Variants in BFAR observed in about 807,000 individuals in gnomAD.
BFAR encodes the protein bifunctional apoptosis regulator, also known as RING finger protein 47.
Under a neutral mutation model 54.4 loss-of-function variants are expected in BFAR, and 52 were observed. The observed-to-expected ratio is 0.96, with a 90% CI of 0.77 to 1.21. The LOEUF (loss-of-function observed/expected upper bound fraction) is 1.21. Among genes scored for constraint, BFAR ranks in the 50% most tolerant of loss-of-function variants. BFAR has a pLI of 0.00. For synonymous variants in BFAR, 215 were observed against 204.3 expected, an observed-to-expected ratio of 1.05 and a Z score of -0.45; for missense variants, 571 against 534.0, an observed-to-expected ratio of 1.07 and a Z score of -0.68.
chr16:14,658,412 T>C (rs1459596616), intron 5 of BFAR, among the ~76,000 whole-genome samples: 1 of 152,004 alleles, frequency 6.6e-6, no homozygotes, highest in Non-Finnish European at 1.5e-5. Flanking sequence ...AAGATGGAGC[T>C]TCTGTCTTGA....
chr16:14,636,424 A>G (rs1191899406), intron 1 of BFAR, among the ~76,000 whole-genome samples: 3 of 152,244 alleles, frequency 2.0e-5, no homozygotes, highest in African/African-American at 7.2e-5. Context: ...CATCATAGAC[A>G]AGGTAAAGAA....
At chr16:14,648,102 G>A (rs940491455) in intron 2 of BFAR, among the ~76,000 whole-genome samples, 2 of 151,856 alleles carry the variant, frequency 1.3e-5, no homozygotes, top group African/African-American at 2.4e-5. Context: ...AAAGTTATCC[G>A]GGTATGGTGG....
At chr16:14,645,734 C>T (rs765105624) in intron 2 of BFAR, among the ~76,000 whole-genome samples, 5 of 152,126 alleles carry the variant, frequency 3.3e-5, no homozygotes, top group Middle Eastern at 3.2e-3. Context: ...TATAACTGAA[C>T]ATTTAAAAAG....
At chr16:14,652,498 C>G (rs1025284353) in intron 4 of BFAR, among the ~76,000 whole-genome samples, 1 of 151,558 alleles carries the variant, frequency 6.6e-6, no homozygotes, top group Non-Finnish European at 1.5e-5. Context: ...CCAGGCTGGT[C>G]TGAAACTCCT....
chr16:14,636,530 G>A (rs1051778185), intron 1 of BFAR, among the ~76,000 whole-genome samples: 3 of 152,202 alleles, frequency 2.0e-5, no homozygotes, highest in East Asian at 1.9e-4. Flanking sequence ...GCCCTAAGGC[G>A]GTTTTCCCCT....
intron 7 of BFAR, among the ~76,000 whole-genome samples, chr16:14,665,741 T>G (rs1244518197): frequency 6.6e-6 from 1 of 152,320 alleles, no homozygotes; most frequent in Admixed American, 6.5e-5. Context: ...ACCAGAGATC[T>G]TAGAGGCTTC....
In BFAR at chr16:14,668,856, CT is replaced by C. The variant is rs1960516938; in HGVS notation, c.*1030del. ...GTCTTAAAAAAAAAAAAAAAATCATCTGTAAAATAAATTCCGGGATAGTCGT... is the reference window on the plus strand; with the variant it reads ...GTCTTAAAAAAAAAAAAAAAATCATCGTAAAATAAATTCCGGGATAGTCGT... On this transcript the variant is annotated 3_prime_UTR_variant, in exon 8 of 8. Transcript: ENST00000261658. 2 of 170,148 alleles carry C rather than the reference CT, an allele frequency of 1.2e-5. No individual in the cohort carries two copies. Among genetic ancestry groups the C allele is most frequent in the African/African-American group, 4.8e-5 (2 of 41,640 alleles). The allele number at this position is 170,148 out of a possible 1,614,324, so 10.5% of individuals were successfully genotyped here.
intron 1 of BFAR, among the ~76,000 whole-genome samples, chr16:14,638,197 A>T (rs1232607605): frequency 1.3e-5 from 2 of 152,182 alleles, no homozygotes; most frequent in African/African-American, 4.8e-5. Context: ...ATCATGGACA[A>T]CTTAACAAGA....
At chr16:14,640,507 T>C (rs984946656) in intron 1 of BFAR, among the ~76,000 whole-genome samples, 5 of 152,196 alleles carry the variant, frequency 3.3e-5, no homozygotes, top group South Asian at 2.1e-4. Context: ...TTTTATGTCA[T>C]ATCAGATTTT....
chr16:14,648,342 AT>A (rs1959861835), intron 2 of BFAR, 45 bp from the exon 3 acceptor site: 2 of 1,495,960 alleles, frequency 1.3e-6, no homozygotes, highest in East Asian at 2.3e-5. Flanking sequence ...TAAACATGAT[AT>A]TTAGTCAAAC....
intron 1 of BFAR, among the ~76,000 whole-genome samples, chr16:14,640,425 T>C (rs1959586050): frequency 6.6e-6 from 1 of 152,130 alleles, no homozygotes; most frequent in Non-Finnish European, 1.5e-5. Context: ...TCATGCGTGA[T>C]GCGATTCCAG....
At chr16:14,642,243 C>T (rs879747470) in intron 1 of BFAR, among the ~76,000 whole-genome samples, 3 of 152,142 alleles carry the variant, frequency 2.0e-5, no homozygotes, top group African/African-American at 4.8e-5. Context: ...TTCTATAGCG[C>T]GTATTTACAC....
rs145688957 is a variant in BFAR, at chr16:14,648,577, T to G, written c.453T>G (p.Ala151=). The G allele has an allele frequency of 9.0e-5, 145 of 1,613,498 alleles. No individual in the cohort carries two copies. Among genetic ancestry groups the G allele is most frequent in the Non-Finnish European group, 1.2e-4 (137 of 1,179,594 alleles). Residue 151 remains alanine (A), a synonymous_variant, in exon 3 of 8, where the codon GCT becomes GCG. Transcript: ENST00000261658. ...GATTCTTTTCCGGTGTGCTCACAGC[T>G]TTAACTGGAGTGGCAGTAAGTTGAT... ...GGGFFSGVLT[A]LTGVAVVLLV...
At position 14,669,159 on chromosome 16, in the gene BFAR, T is replaced by C; in HGVS notation, c.*1332T>C. ...ACCCTTTGTATCTTTGAGTGAAAAT[T>C]TTACTCAAAAGTTGCATCTGGAAGT... On this transcript the variant is annotated 3_prime_UTR_variant, in exon 8 of 8. Transcript: ENST00000261658. 1 of 347,616 alleles carries C rather than the reference T, an allele frequency of 2.9e-6. No homozygotes were observed. The highest frequency in any genetic ancestry group is 3.9e-4 in the Middle Eastern group (1 of 2,572). 21.5% of individuals were successfully genotyped at this position (347,616 alleles called of 1,614,324 possible).
chr16:14,661,765 C>A, intron 5 of BFAR, 127 bp from the exon 6 acceptor site: 1 of 1,015,008 alleles, frequency 9.9e-7, no homozygotes, highest in Non-Finnish European at 1.5e-6. Flanking sequence ...TCTTGCCGTT[C>A]ATTCATTCAT....
chr16:14,642,997 G>GAA (rs1959673024), intron 1 of BFAR, among the ~76,000 whole-genome samples: 1 of 152,110 alleles, frequency 6.6e-6, no homozygotes, highest in Non-Finnish European at 1.5e-5. Context: ...CCAACATGGT[G>GAA]AAAACCCACC....
chr16:14,644,114 G>A (rs1476204458), intron 1 of BFAR, among the ~76,000 whole-genome samples, 160 bp from the exon 2 acceptor site: 1 of 147,388 alleles, frequency 6.8e-6, no homozygotes, highest in Non-Finnish European at 1.5e-5. Flanking sequence ...AGTGAGCTGA[G>A]ATCACGCCAC....
chr16:14,665,315 C>A, intron 7 of BFAR: 7 of 456,334 alleles, frequency 1.5e-5, no homozygotes, highest in Non-Finnish European at 2.3e-5. Flanking sequence ...CAATAATATA[C>A]CATTTAATTT....
rs188742914 is a variant in BFAR at position 14,643,074 on chromosome 16, A to G, written c.-73-1200A>G. On this transcript the variant is annotated intron_variant, in intron 1 of 7. Coordinates refer to ENST00000261658, the MANE Select transcript of BFAR (RefSeq NM_016561.3). The stretch of plus-strand genomic sequence containing the variant: ...ATACCTGTAATCCCAGCACTTTGGG[A>G]GGCTGAAGAGGGTGGATCACCTGAG... Among the ~76,000 whole-genome samples, 254 of 152,326 alleles carry G rather than the reference A, an allele frequency of 1.7e-3. 1 individual carries two copies. Among genetic ancestry groups the G allele is most frequent in the African/African-American group, 5.9e-3 (246 of 41,580 alleles).
Sources: allele counts gnomAD v4.1 joint callset (sites outside exome capture counted in the v4.1 genomes callset), GRCh38; gene constraint gnomAD v4.1.1; transcripts MANE v1.5; gene names NCBI Gene and HGNC (gene_info 2026-07-23, HGNC 2026-07-21).